Variants in RSBN1L observed in about 807,000 individuals in gnomAD.
The protein encoded by RSBN1L is lysine-specific demethylase RSBN1L.
RSBN1L carries 30 observed loss-of-function variants against 67.7 expected under a neutral mutation model. That is an observed-to-expected ratio of 0.44 (90% confidence interval 0.33 to 0.60). RSBN1L has a LOEUF of 0.60. Ranked by LOEUF, RSBN1L falls within the 20% of genes least tolerant of loss-of-function variation. The probability of loss-of-function intolerance (pLI) is 0.02; values close to 1 mark genes in which losing one functional copy is unlikely to be tolerated. For synonymous variants in RSBN1L, 433 were observed against 387.0 expected, an observed-to-expected ratio of 1.12 and a Z score of -1.39; for missense variants, 992 against 1,031.7, an observed-to-expected ratio of 0.96 and a Z score of 0.53.
chr7:77,742,410 A>G (rs1181454059), intron 2 of RSBN1L, among the ~76,000 whole-genome samples: 1 of 152,150 alleles, frequency 6.6e-6, no homozygotes, highest in Non-Finnish European at 1.5e-5. Flanking sequence ...CACATGTGAA[A>G]TCTTGTCTGC....
At chr7:77,709,411 T>A (rs1423336270) in intron 1 of RSBN1L, among the ~76,000 whole-genome samples, 4 of 152,048 alleles carry the variant, frequency 2.6e-5, no homozygotes, top group African/African-American at 9.7e-5. Flanking sequence ...TGCCTCAGCC[T>A]CCCAATTAGC....
chr7:77,712,145 AG>A (rs1310256142), intron 1 of RSBN1L, among the ~76,000 whole-genome samples: 2 of 152,178 alleles, frequency 1.3e-5, no homozygotes, highest in Non-Finnish European at 2.9e-5. Flanking sequence ...TTCAAATTTT[AG>A]GAAGAAAAGC....
At chr7:77,724,773 T>C (rs1791173264) in intron 1 of RSBN1L, among the ~76,000 whole-genome samples, 1 of 151,628 alleles carries the variant, frequency 6.6e-6, no homozygotes, top group Non-Finnish European at 1.5e-5. Context: ...AGGAAGTAAA[T>C]GAAATAAAAA....
Position 77,749,439 on chromosome 7 carries a change from CA to C in RSBN1L, c.724del (p.Thr242GlnfsTer3). 6.5e-7 allele frequency: 1 copy of C among 1,547,728 alleles called. No individual in the cohort carries two copies. The highest frequency in any genetic ancestry group is 2.3e-5 in the Admixed American group (1 of 44,432). ...KILLKSGKEK[P>X]KTNIEDLQIK... ...TTTCCAACAGGTGGGAAGGAGAAAC[CA>C]AAAACAAATATAGAAGACTTACAAA... On this transcript the variant is annotated frameshift_variant, in exon 3 of 8. Transcript: ENST00000334955. LOFTEE classifies it high-confidence loss of function.
intron 3 of RSBN1L, among the ~76,000 whole-genome samples, chr7:77,752,169 T>TCC (rs1320853436): frequency 1.3e-5 from 2 of 152,186 alleles, no homozygotes; most frequent in Non-Finnish European, 2.9e-5. Flanking sequence ...ATGAGCCACC[T>TCC]CCTCTGGTTG....
intron 2 of RSBN1L, among the ~76,000 whole-genome samples, chr7:77,746,660 T>G (rs1035201825): frequency 3.3e-5 from 5 of 152,092 alleles, no homozygotes; most frequent in African/African-American, 7.2e-5. Context: ...AAGTCCAAAG[T>G]CTCATTTGAG....
At chr7:77,712,948 C>A (rs1370500204) in intron 1 of RSBN1L, among the ~76,000 whole-genome samples, 1 of 152,132 alleles carries the variant, frequency 6.6e-6, no homozygotes, top group African/African-American at 2.4e-5. Flanking sequence ...GAAAGATAAA[C>A]AATTTGCTGT....
intron 6 of RSBN1L, among the ~76,000 whole-genome samples, chr7:77,775,533 T>G (rs1256139243): frequency 6.6e-6 from 1 of 152,188 alleles, no homozygotes; most frequent in Admixed American, 6.5e-5. Context: ...CAGTTCAGGA[T>G]ATCTCTAATT....
intron 4 of RSBN1L, among the ~76,000 whole-genome samples, chr7:77,767,541 T>C (rs1413750199): frequency 6.6e-6 from 1 of 151,602 alleles, no homozygotes; most frequent in African/African-American, 2.4e-5. Flanking sequence ...GCTAGGCTAA[T>C]TTTTTGTATC....
intron 1 of RSBN1L, among the ~76,000 whole-genome samples, chr7:77,721,431 A>C (rs1791118224): frequency 1.3e-5 from 2 of 152,176 alleles, no homozygotes; most frequent in South Asian, 4.1e-4. Context: ...GAGCTTAGAA[A>C]CCAGGAGGGC....
chr7:77,744,960 A>G (rs1791461460), intron 2 of RSBN1L, among the ~76,000 whole-genome samples: 1 of 152,122 alleles, frequency 6.6e-6, no homozygotes, highest in African/African-American at 2.4e-5. Flanking sequence ...TGGTATTCAT[A>G]TGTGCAAAAG....
chr7:77,703,689 T>G (rs751948592), intron 1 of RSBN1L, among the ~76,000 whole-genome samples: 29 of 152,030 alleles, frequency 1.9e-4, no homozygotes, highest in Non-Finnish European at 3.5e-4. Context: ...GGTTTCACTA[T>G]GTTGGCCAGG....
intron 1 of RSBN1L, among the ~76,000 whole-genome samples, chr7:77,707,937 T>G (rs1790916886): frequency 6.6e-6 from 1 of 152,172 alleles, no homozygotes; most frequent in Non-Finnish European, 1.5e-5. Context: ...CCTTTAAAGT[T>G]TAATTAGATA....
At chr7:77,753,983 C>T (rs887408038) in intron 3 of RSBN1L, among the ~76,000 whole-genome samples, 2 of 152,098 alleles carry the variant, frequency 1.3e-5, no homozygotes, top group African/African-American at 2.4e-5. Context: ...TTTCTGGGCT[C>T]CCTTTGATTC....
rs140372246 is a variant in RSBN1L at position 77,772,532 on chromosome 7, G to A, written c.1626-615G>A. On this transcript the variant is annotated intron_variant, in intron 5 of 7. Transcript: ENST00000334955. ...TGGAGGAGAGGGCCAGTGGGAAATA[G>A]CTGTCTTCCAAGACAGAGCTAAGGT... Among the ~76,000 whole-genome samples the A allele has an allele frequency of 3.5e-3, 530 of 152,334 alleles. 5 individuals carry two copies. Among genetic ancestry groups the A allele is most frequent in the African/African-American group, 0.012 (499 of 41,590 alleles).
chr7:77,756,773 C>T (rs1467813286), intron 3 of RSBN1L, among the ~76,000 whole-genome samples: 1 of 151,992 alleles, frequency 6.6e-6, no homozygotes, highest in Non-Finnish European at 1.5e-5. Context: ...AGTGAGACTC[C>T]GTCTCAAAAG....
chr7:77,764,271 T>TA (rs1380945878), intron 3 of RSBN1L, among the ~76,000 whole-genome samples: 1 of 152,208 alleles, frequency 6.6e-6, no homozygotes, highest in African/African-American at 2.4e-5. Context: ...TGCTTATAAT[T>TA]TGGTTATCAA....
chr7:77,726,673 A>C (rs1246501622), intron 1 of RSBN1L, among the ~76,000 whole-genome samples: 1 of 147,966 alleles, frequency 6.8e-6, no homozygotes, highest in Non-Finnish European at 1.5e-5. Flanking sequence ...GCAGTGGCGC[A>C]ATCTAGGTTC....
rs1792017683 is a variant in RSBN1L, at chr7:77,782,924, C to A, written c.*3756C>A. 1 of 152,100 alleles carries A rather than the reference C, an allele frequency of 6.6e-6. No individual in the cohort carries two copies. Among genetic ancestry groups the A allele is most frequent in the African/African-American group, 2.4e-5 (1 of 41,422 alleles). 9.4% of individuals were successfully genotyped at this position (152,100 alleles called of 1,614,324 possible). ...CATGTAAAACAAATATCTCAAAATTCATTTTACATTTAGCAAAGGTGCAAC... is the reference window on the plus strand; with the variant it reads ...CATGTAAAACAAATATCTCAAAATTAATTTTACATTTAGCAAAGGTGCAAC... On this transcript the variant is annotated 3_prime_UTR_variant, in exon 8 of 8. Transcript: ENST00000334955.
Sources: allele counts gnomAD v4.1 joint callset (sites outside exome capture counted in the v4.1 genomes callset), GRCh38; gene constraint gnomAD v4.1.1; transcripts MANE v1.5; gene names NCBI Gene and HGNC (gene_info 2026-07-23, HGNC 2026-07-21).